The following SH3GL2 variants were observed in gnomAD, a reference collection of about 807,000 sequenced individuals.
The protein encoded by SH3GL2 is SH3 domain containing GRB2 like 2, endophilin A1, also known as endophilin-A1.
Under a neutral mutation model 46.0 loss-of-function variants are expected in SH3GL2, and 24 were observed. That is an observed-to-expected ratio of 0.52 (90% CI 0.38 to 0.73). The LOEUF (loss-of-function observed/expected upper bound fraction) is 0.73, where lower values mean the gene tolerates loss of function less well. Among genes scored for constraint, SH3GL2 ranks in the 30% least tolerant of loss-of-function variants. The probability of loss-of-function intolerance (pLI) is 0.00; values close to 1 mark genes in which losing one functional copy is unlikely to be tolerated. For missense variants in SH3GL2, 413 were observed against 424.2 expected (o/e 0.97, Z 0.23); for synonymous variants, 196 against 147.1 (o/e 1.33, Z -2.40).
intron 1 of SH3GL2, among the ~76,000 whole-genome samples, chr9:17,657,326 T>TTGTAAAA: frequency 6.6e-6 from 1 of 152,108 alleles, no homozygotes; most frequent in Admixed American, 6.5e-5. Flanking sequence ...ACATGACCTG[T>TTGTAAAA]TGTAAAATCT....
At chr9:17,779,110 G>T (rs1368563640) in intron 3 of SH3GL2, among the ~76,000 whole-genome samples, 1 of 152,076 alleles carries the variant, frequency 6.6e-6, no homozygotes, top group Non-Finnish European at 1.5e-5. Flanking sequence ...CTGATAAGAG[G>T]TGGGACTTCA....
At chr9:17,688,563 C>A (rs893889701) in intron 1 of SH3GL2, among the ~76,000 whole-genome samples, 1 of 151,822 alleles carries the variant, frequency 6.6e-6, no homozygotes, top group Admixed American at 6.6e-5. Context: ...CAGGGCACCT[C>A]GGAGAAATGG....
At chr9:17,764,491 C>T (rs544781709) in intron 3 of SH3GL2, among the ~76,000 whole-genome samples, 1 of 152,210 alleles carries the variant, frequency 6.6e-6, no homozygotes, top group Non-Finnish European at 1.5e-5. Context: ...TTTCAGTGAA[C>T]CCTAGAGCTG....
chr9:17,725,058 G>C (rs1330679762), intron 1 of SH3GL2, among the ~76,000 whole-genome samples: 1 of 151,832 alleles, frequency 6.6e-6, no homozygotes, highest in Non-Finnish European at 1.5e-5. Context: ...TCCAGACCAT[G>C]ATAGGTGAAT....
chr9:17,595,043 T>C (rs1818546226), intron 1 of SH3GL2, among the ~76,000 whole-genome samples: 1 of 152,224 alleles, frequency 6.6e-6, no homozygotes, highest in South Asian at 2.1e-4. Flanking sequence ...CTAGGTACTA[T>C]TTTAACTCAT....
At chr9:17,746,962 T>C in intron 1 of SH3GL2, 104 bp from the exon 2 acceptor site, 1 of 740,546 alleles carries the variant, frequency 1.4e-6, no homozygotes, top group Non-Finnish European at 2.3e-6. Context: ...AGGGAATGGT[T>C]GTGAGATTAC....
At chr9:17,687,946 G>A (rs186892792) in intron 1 of SH3GL2, among the ~76,000 whole-genome samples, 32 of 152,210 alleles carry the variant, frequency 2.1e-4, no homozygotes, top group Admixed American at 9.2e-4. Flanking sequence ...AGAGATGCCT[G>A]ACAGTATGTT....
intron 8 of SH3GL2, among the ~76,000 whole-genome samples, chr9:17,794,236 A>G (rs1250353225): frequency 1.3e-5 from 2 of 152,196 alleles, no homozygotes; most frequent in Non-Finnish European, 1.5e-5. Flanking sequence ...TTCAACCTCC[A>G]CATTTGCTTG....
At chr9:17,623,687 A>G (rs1388619298) in intron 1 of SH3GL2, among the ~76,000 whole-genome samples, 2 of 146,698 alleles carry the variant, frequency 1.4e-5, no homozygotes, top group African/African-American at 5.1e-5. Context: ...CTTATATTTA[A>G]CCCTATTTAT....
At chr9:17,594,045 T>G (rs1257385191) in intron 1 of SH3GL2, among the ~76,000 whole-genome samples, 1 of 152,186 alleles carries the variant, frequency 6.6e-6, no homozygotes, top group Non-Finnish European at 1.5e-5. Flanking sequence ...TCTGGTTCAT[T>G]ATCTACTGTG....
At chr9:17,586,959 C>T (rs1448448823) in intron 1 of SH3GL2, among the ~76,000 whole-genome samples, 1 of 152,188 alleles carries the variant, frequency 6.6e-6, no homozygotes, top group Non-Finnish European at 1.5e-5. Flanking sequence ...GCAATCCCAG[C>T]ACTTTGGGAG....
intron 1 of SH3GL2, among the ~76,000 whole-genome samples, chr9:17,628,735 G>A (rs990864433): frequency 6.6e-6 from 1 of 151,902 alleles, no homozygotes; most frequent in Admixed American, 6.6e-5. Context: ...GCTCAAGGGA[G>A]AATTGTATAT....
At chr9:17,699,389 G>A (rs566389169) in intron 1 of SH3GL2, among the ~76,000 whole-genome samples, 4 of 152,174 alleles carry the variant, frequency 2.6e-5, no homozygotes, top group African/African-American at 9.7e-5. Flanking sequence ...CAACTGAAAT[G>A]TATACTTGCC....
Position 17,694,141 on chromosome 9 carries a change from A to T in SH3GL2, c.46-52925A>T, listed in dbSNP as rs150287169. 1.0e-3 allele frequency among the ~76,000 whole-genome samples: 152 copies of T among 152,280 alleles called. No individual in the cohort carries two copies. The East Asian group carries it at 0.027, about 27-fold the overall frequency. ...CAATTTTCTGTATTAGTCTGTTCTT[A>T]TACTGCTATAAAGAAGTACCTGAGA... On this transcript the variant is annotated intron_variant, in intron 1 of 8. Coordinates refer to ENST00000380607, the MANE Select transcript of SH3GL2 (RefSeq NM_003026.5).
At chr9:17,626,315 C>T (rs138161213) in intron 1 of SH3GL2, among the ~76,000 whole-genome samples, 249 of 152,298 alleles carry the variant, frequency 1.6e-3, no homozygotes, top group Non-Finnish European at 2.9e-3. Flanking sequence ...GAGCATGTTG[C>T]GGGGGACAGG....
chr9:17,656,045 G>C (rs1026709388), intron 1 of SH3GL2, among the ~76,000 whole-genome samples: 2 of 152,118 alleles, frequency 1.3e-5, no homozygotes, highest in Non-Finnish European at 2.9e-5. Flanking sequence ...TGGAGTGAAA[G>C]AACTGAAAAA....
intron 1 of SH3GL2, among the ~76,000 whole-genome samples, chr9:17,691,523 C>T (rs916941556): frequency 2.6e-5 from 4 of 152,200 alleles, no homozygotes; most frequent in South Asian, 2.1e-4. Context: ...GGGTTTATAA[C>T]GTTCTAAGCC....
chr9:17,794,231 C>G (rs1003505202), intron 8 of SH3GL2, among the ~76,000 whole-genome samples: 1 of 152,202 alleles, frequency 6.6e-6, no homozygotes, highest in African/African-American at 2.4e-5. Context: ...ACATTTTCAA[C>G]CTCCACATTT....
At chr9:17,599,324 T>A (rs986306695) in intron 1 of SH3GL2, among the ~76,000 whole-genome samples, 4 of 152,184 alleles carry the variant, frequency 2.6e-5, no homozygotes, top group Admixed American at 2.6e-4. Context: ...CAAAGGATCC[T>A]AAAGATGGTT....
Sources: gnomAD v4.1 joint callset for allele counts (sites outside exome capture counted in the v4.1 genomes callset) on GRCh38, gnomAD v4.1.1 for gene constraint, MANE v1.5 for transcripts, NCBI Gene and HGNC (gene_info 2026-07-23, HGNC 2026-07-21) for gene names.